Variants in ZNF704 observed in about 807,000 individuals in gnomAD.
The protein encoded by ZNF704 is zinc finger protein 704.
ZNF704 carries 10 observed loss-of-function variants against 44.7 expected under a neutral mutation model. That is an observed-to-expected ratio of 0.22 (90% CI 0.14 to 0.38). The LOEUF is 0.38. ZNF704 is among the 10% of genes least tolerant of loss of function. The pLI, the probability that ZNF704 is intolerant of heterozygous loss-of-function variation, is 1.00. For missense variants in ZNF704, 390 were observed against 545.5 expected (o/e 0.71, Z 2.84); for synonymous variants, 211 against 207.6 (o/e 1.02, Z -0.14).
intron 6 of ZNF704, 63 bp from the exon 7 acceptor site, chr8:80,659,752 C>T: frequency 6.8e-7 from 1 of 1,467,914 alleles, no homozygotes; most frequent in Non-Finnish European, 9.5e-7. Flanking sequence ...GCTTTAAGCT[C>T]TTATTACCAA....
intron 2 of ZNF704, among the ~76,000 whole-genome samples, chr8:80,743,398 C>T (rs1806795231): frequency 2.0e-5 from 3 of 152,064 alleles, no homozygotes; most frequent in South Asian, 4.2e-4. Flanking sequence ...GGGTAAACAT[C>T]TCCACATGTA....
At chr8:80,674,828 A>G (rs531284746) in intron 4 of ZNF704, among the ~76,000 whole-genome samples, 1 of 152,328 alleles carries the variant, frequency 6.6e-6, no homozygotes, top group East Asian at 1.9e-4. Context: ...CATTTTTCAA[A>G]TGATGAAGCT....
Position 80,639,232 on chromosome 8 carries a change from G to T in ZNF704, c.*2134C>A, listed in dbSNP as rs954850416. On this transcript the variant is annotated 3_prime_UTR_variant, in exon 9 of 9. Transcript: ENST00000327835. Reference sequence around the variant, plus strand: ...ACTGTACCCTGTCATTTAAACACATGGTGAACTTGTTTAAACAGGTGACAA... The same window carrying T: ...ACTGTACCCTGTCATTTAAACACATTGTGAACTTGTTTAAACAGGTGACAA... 6.6e-6 allele frequency: 1 copy of T among 152,210 alleles called. No individual in the cohort carries two copies. Among genetic ancestry groups the T allele is most frequent in the African/African-American group, 2.4e-5 (1 of 41,458 alleles). 9.4% of individuals were successfully genotyped at this position (152,210 alleles called of 1,614,324 possible).
chr8:80,853,478 A>G (rs745959569), intron 1 of ZNF704, among the ~76,000 whole-genome samples: 2 of 152,240 alleles, frequency 1.3e-5, no homozygotes, highest in Non-Finnish European at 2.9e-5. Flanking sequence ...TATAATAAGA[A>G]AAAGTTACAT....
chr8:80,781,042 G>A (rs1411574470), intron 2 of ZNF704, among the ~76,000 whole-genome samples: 1 of 152,174 alleles, frequency 6.6e-6, no homozygotes, highest in Non-Finnish European at 1.5e-5. Flanking sequence ...AACACAATAA[G>A]TTCGGCAGAA....
intron 6 of ZNF704, among the ~76,000 whole-genome samples, chr8:80,662,033 A>G (rs1029297435): frequency 6.6e-6 from 1 of 152,216 alleles, no homozygotes; most frequent in Non-Finnish European, 1.5e-5. Context: ...TCCTATGCAT[A>G]TAACAAAATG....
At chr8:80,719,831 A>C (rs1002683748) in intron 2 of ZNF704, among the ~76,000 whole-genome samples, 6 of 152,334 alleles carry the variant, frequency 3.9e-5, no homozygotes, top group Middle Eastern at 3.4e-3. Flanking sequence ...CTGAGAACTG[A>C]ATCTGCCTTC....
intron 3 of ZNF704, among the ~76,000 whole-genome samples, chr8:80,688,958 C>CAAAA (rs57878370): frequency 2.8e-5 from 2 of 71,378 alleles, no homozygotes; most frequent in Non-Finnish European, 6.7e-5. Context: ...GACTCTGTCT[C>CAAAA]AAAAAAAAAA....
At chr8:80,697,863 A>T (rs1818750274) in intron 2 of ZNF704, among the ~76,000 whole-genome samples, 1 of 152,110 alleles carries the variant, frequency 6.6e-6, no homozygotes, top group Non-Finnish European at 1.5e-5. Context: ...GCAGTTGTGG[A>T]TTTTCTTTTT....
intron 7 of ZNF704, among the ~76,000 whole-genome samples, chr8:80,651,905 A>G (rs1021900108): frequency 2.6e-5 from 4 of 152,156 alleles, no homozygotes; most frequent in African/African-American, 9.7e-5. Context: ...AAAATTGACC[A>G]CATAGTTGGA....
chr8:80,838,747 A>C (rs1202708323), intron 1 of ZNF704, among the ~76,000 whole-genome samples: 2 of 150,126 alleles, frequency 1.3e-5, no homozygotes, highest in East Asian at 3.9e-4. Flanking sequence ...GAGGAGGAGG[A>C]GGAGGAGGAG....
chr8:80,775,920 C>A (rs1807402489), intron 2 of ZNF704, among the ~76,000 whole-genome samples: 1 of 152,092 alleles, frequency 6.6e-6, no homozygotes, highest in African/African-American at 2.4e-5. Context: ...GAATATTTAT[C>A]CTAGTGATAA....
intron 2 of ZNF704, among the ~76,000 whole-genome samples, chr8:80,792,349 A>G (rs1468313497): frequency 1.3e-5 from 2 of 152,194 alleles, no homozygotes; most frequent in African/African-American, 2.4e-5. Context: ...ATTTCTTCTC[A>G]GGTTTAACAC....
At chr8:80,802,152 A>C (rs1261387044) in intron 2 of ZNF704, among the ~76,000 whole-genome samples, 3 of 151,300 alleles carry the variant, frequency 2.0e-5, no homozygotes, top group African/African-American at 7.3e-5. Context: ...GAATAGACCA[A>C]TAACAATTCT....
chr8:80,746,760 G>T (rs1420408242), intron 2 of ZNF704, among the ~76,000 whole-genome samples: 1 of 152,186 alleles, frequency 6.6e-6, no homozygotes, highest in Non-Finnish European at 1.5e-5. Context: ...TCAGTCCTGG[G>T]TGCCATGGAG....
chr8:80,758,744 T>A (rs993978481), intron 2 of ZNF704, among the ~76,000 whole-genome samples: 3 of 152,188 alleles, frequency 2.0e-5, no homozygotes, highest in Non-Finnish European at 4.4e-5. Flanking sequence ...TTTTTCATAT[T>A]TTAATATGTT....
chr8:80,684,178 A>G (rs1818497584), intron 4 of ZNF704, among the ~76,000 whole-genome samples: 1 of 152,192 alleles, frequency 6.6e-6, no homozygotes, highest in Non-Finnish European at 1.5e-5. Context: ...AAGAATGTGA[A>G]TCTTTTGATT....
chr8:80,773,851 T>C (rs919087744), intron 2 of ZNF704, among the ~76,000 whole-genome samples: 1 of 152,196 alleles, frequency 6.6e-6, no homozygotes, highest in African/African-American at 2.4e-5. Flanking sequence ...CATTGAAGCA[T>C]TTTTATCATG....
chr8:80,701,281 C>T (rs80265539), intron 2 of ZNF704, among the ~76,000 whole-genome samples: 3,478 of 152,068 alleles, frequency 0.023, 137 homozygotes, highest in African/African-American at 0.079. Context: ...CACCCGCCCT[C>T]GCTCACCACA....
Sources: gnomAD v4.1 joint callset for allele counts (sites outside exome capture counted in the v4.1 genomes callset) on GRCh38, gnomAD v4.1.1 for gene constraint, MANE v1.5 for transcripts, NCBI Gene and HGNC (gene_info 2026-07-23, HGNC 2026-07-21) for gene names.